KIRREL3: variants seen among roughly 807,000 people sequenced by gnomAD.
KIRREL3 encodes the protein kin of IRRE-like protein 3.
KIRREL3 carries 36 observed loss-of-function variants against 89.7 expected under a neutral mutation model. That is an observed-to-expected ratio of 0.40 (90% CI 0.31 to 0.53). The LOEUF is 0.53. Ranked by LOEUF, KIRREL3 falls within the 20% of genes least tolerant of loss-of-function variation. The pLI is 0.49. For missense variants in KIRREL3, 864 were observed against 1,056.6 expected, an observed-to-expected ratio of 0.82 and a Z score of 2.53; for synonymous variants, 445 against 441.4, an observed-to-expected ratio of 1.01 and a Z score of -0.10.
chr11:126,474,904 C>A lies in KIRREL3; in HGVS notation c.434-1438G>T, dbSNP rs546075115. On this transcript the variant is annotated intron_variant, in intron 4 of 16. Coordinates refer to ENST00000525144, the MANE Select transcript of KIRREL3 (RefSeq NM_032531.4). The surrounding 1 kb of genome is among the most constrained non-coding windows in gnomAD (Gnocchi z 6.7). ...TTTCCCATGCTTGTGCTTGGGGACA[C>A]GTTGAGAGTCTCAGGCCTCTGCTGC... Among the ~76,000 whole-genome samples, 2 of 152,176 alleles carry A rather than the reference C, an allele frequency of 1.3e-5. No individual in the cohort carries two copies. Among genetic ancestry groups the A allele is most frequent in the Non-Finnish European group, 2.9e-5 (2 of 68,032 alleles).
rs1941223756 is a variant in KIRREL3 at position 126,575,767 on chromosome 11, G to A, written c.56-12855C>T. On this transcript the variant is annotated intron_variant, in intron 1 of 16. Coordinates refer to ENST00000525144, the MANE Select transcript of KIRREL3 (RefSeq NM_032531.4). The surrounding 1 kb of genome is among the most constrained non-coding windows in gnomAD (Gnocchi z 7.0). ...CCTGGGGCCGCTGTTCCTTCTATCA[G>A]GGATTCTCACACCCCTCTCAAGCAT... 6.6e-6 allele frequency among the ~76,000 whole-genome samples: 1 copy of A among 152,070 alleles called. No individual in the cohort carries two copies. The highest frequency in any genetic ancestry group is 1.5e-5 in the Non-Finnish European group (1 of 68,006).
chr11:126,688,900 G>A (rs1946767697), intron 1 of KIRREL3, among the ~76,000 whole-genome samples: 1 of 152,086 alleles, frequency 6.6e-6, no homozygotes, highest in African/African-American at 2.4e-5. Flanking sequence ...AAGAGGAATG[G>A]GAAGATGATG....
chr11:126,605,446 G>A lies in KIRREL3; in HGVS notation c.56-42534C>T, dbSNP rs1309907794. 6.6e-6 allele frequency among the ~76,000 whole-genome samples: 1 copy of A among 152,160 alleles called. No individual in the cohort carries two copies. Among genetic ancestry groups the A allele is most frequent in the Non-Finnish European group, 1.5e-5 (1 of 68,036 alleles). ...AGTCCTGCGGTGACTGCTGTGAAGT[G>A]GTGTGGGGGCTCAGGATGGGACCTA... On this transcript the variant is annotated intron_variant, in intron 1 of 16. Transcript: ENST00000525144. The surrounding 1 kb of genome is among the most constrained non-coding windows in gnomAD (Gnocchi z 5.7).
rs1348648012 is a variant in KIRREL3 at position 126,525,684 on chromosome 11, G to C, written c.283+854C>G. 6.6e-6 allele frequency among the ~76,000 whole-genome samples: 1 copy of C among 152,084 alleles called. No homozygotes were observed. The highest frequency in any genetic ancestry group is 1.5e-5 in the Non-Finnish European group (1 of 68,028). ...CCCTTAGCTATTCCCAAATCACAGG[G>C]GAATGACACCCAGAGGTCCCTGCTT... On this transcript the variant is annotated intron_variant, in intron 3 of 16. Coordinates refer to ENST00000525144, the MANE Select transcript of KIRREL3 (RefSeq NM_032531.4). The surrounding 1 kb of genome is among the most constrained non-coding windows in gnomAD (Gnocchi z 5.4).
rs1944041953 is a variant in KIRREL3 at position 126,843,781 on chromosome 11, A to G, written c.55+156674T>C. On this transcript the variant is annotated intron_variant, in intron 1 of 16. Coordinates refer to ENST00000525144, the MANE Select transcript of KIRREL3 (RefSeq NM_032531.4). The surrounding 1 kb of genome is among the most constrained non-coding windows in gnomAD (Gnocchi z 4.6). Reference sequence around the variant, plus strand: ...AAAAAAGCTGGCTAAAACCCACCAAAATCAAGATGGCAACAAGAATGACCT... The same window carrying G: ...AAAAAAGCTGGCTAAAACCCACCAAGATCAAGATGGCAACAAGAATGACCT... Among the ~76,000 whole-genome samples, 1 of 152,132 alleles carries G rather than the reference A, an allele frequency of 6.6e-6. No homozygotes were observed. Among genetic ancestry groups the G allele is most frequent in the Non-Finnish European group, 1.5e-5 (1 of 68,014 alleles).
intron 1 of KIRREL3, among the ~76,000 whole-genome samples, chr11:126,573,420 C>A (rs911387273): frequency 6.6e-6 from 1 of 152,190 alleles, no homozygotes; most frequent in African/African-American, 2.4e-5. Context: ...CTGGTGAGAT[C>A]TCCCCAACAG....
rs556190682 is a variant in KIRREL3, at chr11:126,624,424, C to T, written c.56-61512G>A. ...ACACCAGAGATGAGAAAAGCACCAT[C>T]AGGTGCTTAAAACACAATTATAATT... is the stretch of plus-strand genomic sequence containing the variant. On this transcript the variant is annotated intron_variant, in intron 1 of 16. Coordinates refer to ENST00000525144, the MANE Select transcript of KIRREL3 (RefSeq NM_032531.4). This position sits in a 1 kb window ranked among gnomAD's most constrained non-coding sequence, Gnocchi z 6.0. 5.9e-5 allele frequency among the ~76,000 whole-genome samples: 9 copies of T among 152,220 alleles called. No individual in the cohort carries two copies. The highest frequency in any genetic ancestry group is 4.6e-4 in the Admixed American group (7 of 15,286).
At chr11:126,937,436 C>T (rs901076742) in intron 1 of KIRREL3, among the ~76,000 whole-genome samples, 9 of 152,212 alleles carry the variant, frequency 5.9e-5, no homozygotes, top group African/African-American at 2.2e-4. Flanking sequence ...GTGGCAGGCG[C>T]TCTTGGTTGA....
intron 1 of KIRREL3, among the ~76,000 whole-genome samples, chr11:126,921,828 CCTAT>C (rs531118611): frequency 3.3e-3 from 493 of 150,606 alleles, no homozygotes; most frequent in Non-Finnish European, 5.7e-3. Flanking sequence ...TTCCTGCCTT[CCTAT>C]CTATTATCTA....
At position 126,948,034 on chromosome 11, in the gene KIRREL3, C is replaced by T. The variant is rs190659070; in HGVS notation, c.55+52421G>A. On this transcript the variant is annotated intron_variant, in intron 1 of 16. Transcript: ENST00000525144. The surrounding 1 kb of genome is among the most constrained non-coding windows in gnomAD (Gnocchi z 4.5). Reference sequence around the variant, plus strand: ...GCTTGGCTACCCCAAAACTCCAACGCACCTCATTATTTCATAAGAGATGTT... The same window carrying T: ...GCTTGGCTACCCCAAAACTCCAACGTACCTCATTATTTCATAAGAGATGTT... Among the ~76,000 whole-genome samples, 1 of 152,296 alleles carries T rather than the reference C, an allele frequency of 6.6e-6. No individual in the cohort carries two copies. The highest frequency in any genetic ancestry group is 1.9e-4 in the East Asian group (1 of 5,174).
At position 126,429,100 on chromosome 11, in the gene KIRREL3, GT is replaced by G. The variant is rs1182497629; in HGVS notation, c.1806+78del. On this transcript the variant is annotated intron_variant, in intron 15 of 16. Coordinates refer to ENST00000525144, the MANE Select transcript of KIRREL3 (RefSeq NM_032531.4). The surrounding 1 kb of genome is among the most constrained non-coding windows in gnomAD (Gnocchi z 5.2). ...CTGCTCTGCTTTTTGGAAGCATCTA[GT>G]TCATTGAGAAGCCTCTAGTCCCAGG... The G allele has an allele frequency of 3.3e-6, 3 of 903,908 alleles. No homozygotes were observed. In the Admixed American group the frequency reaches 6.2e-5, roughly 19 times the overall value. 56.0% of individuals were successfully genotyped at this position (903,908 alleles called of 1,614,324 possible).
At chr11:126,882,716 G>A (rs1431392893) in intron 1 of KIRREL3, among the ~76,000 whole-genome samples, 2 of 152,240 alleles carry the variant, frequency 1.3e-5, no homozygotes, top group African/African-American at 4.8e-5. Context: ...GCAAAGAGCT[G>A]CTTTAATCCC....
intron 1 of KIRREL3, among the ~76,000 whole-genome samples, chr11:126,663,153 T>C (rs1300016781): frequency 6.9e-6 from 1 of 145,418 alleles, no homozygotes; most frequent in Non-Finnish European, 1.5e-5. Flanking sequence ...AGGAGAGGGA[T>C]GTGGGGGAGG....
At chr11:126,803,252 C>T (rs1462499502) in intron 1 of KIRREL3, among the ~76,000 whole-genome samples, 1 of 152,080 alleles carries the variant, frequency 6.6e-6, no homozygotes, top group African/African-American at 2.4e-5. Flanking sequence ...GTGGAAAGGC[C>T]ACACAGGGAT....
At chr11:126,488,572 A>C (rs1418231214) in intron 4 of KIRREL3, among the ~76,000 whole-genome samples, 1 of 152,238 alleles carries the variant, frequency 6.6e-6, no homozygotes, top group Non-Finnish European at 1.5e-5. Context: ...AGTGGCAAGG[A>C]AGCTCAGACC....
intron 1 of KIRREL3, among the ~76,000 whole-genome samples, chr11:126,596,104 C>T (rs1294910216): frequency 6.6e-6 from 1 of 152,140 alleles, no homozygotes; most frequent in African/African-American, 2.4e-5. Flanking sequence ...AACGGAAAGC[C>T]CTACGAGCCT....
At chr11:126,457,185 ATGTG>A (rs35883463) in intron 6 of KIRREL3, among the ~76,000 whole-genome samples, 189 of 142,992 alleles carry the variant, frequency 1.3e-3, no homozygotes, top group East Asian at 8.5e-3. Context: ...AAGAGAGATT[ATGTG>A]TGTGTGTGTG....
At chr11:126,809,992 A>C (rs1374130233) in intron 1 of KIRREL3, among the ~76,000 whole-genome samples, 1 of 152,166 alleles carries the variant, frequency 6.6e-6, no homozygotes, top group Non-Finnish European at 1.5e-5. Context: ...CATTCGCCTC[A>C]GCTTGTTTCA....
At chr11:126,873,937 C>G (rs1216392998) in intron 1 of KIRREL3, among the ~76,000 whole-genome samples, 1 of 152,242 alleles carries the variant, frequency 6.6e-6, no homozygotes, top group Non-Finnish European at 1.5e-5. Context: ...TCTAACTCTC[C>G]TGCTAAAAAC....
Sources: gnomAD v4.1 joint callset for allele counts (sites outside exome capture counted in the v4.1 genomes callset) on GRCh38, gnomAD v4.1.1 for gene constraint, Gnocchi (gnomAD v3.1) non-coding constraint, MANE v1.5 for transcripts, NCBI Gene and HGNC (gene_info 2026-07-23, HGNC 2026-07-21) for gene names.